The following YWHAZ variants were observed in gnomAD, a reference collection of about 807,000 sequenced individuals.
YWHAZ encodes tyrosine 3-monooxygenase/tryptophan 5-monooxygenase activation protein zeta, also known as 14-3-3 protein zeta/delta.
For missense variants in YWHAZ, 79 were observed against 284.8 expected (o/e 0.28, Z 5.20); for synonymous variants, 87 against 103.6 (o/e 0.84, Z 0.97).
chr8:100,950,422 G>C, intron 1 of YWHAZ: 3 of 985,416 alleles, frequency 3.0e-6, no homozygotes, highest in African/African-American at 3.5e-5. Flanking sequence ...TGAGACGTCG[G>C]TTACTGTGAA....
At chr8:100,936,637 C>T (rs1814167397) in intron 2 of YWHAZ, among the ~76,000 whole-genome samples, 1 of 152,120 alleles carries the variant, frequency 6.6e-6, no homozygotes, top group African/African-American at 2.4e-5. Flanking sequence ...CCCACCTCTA[C>T]TAAAAACACA....
At chr8:100,931,257 C>T (rs1213024357) in intron 2 of YWHAZ, among the ~76,000 whole-genome samples, 9 of 152,166 alleles carry the variant, frequency 5.9e-5, no homozygotes, top group Non-Finnish European at 1.3e-4. Context: ...TAAGGAACCA[C>T]ATAAATTGAC....
rs1195554628 is a variant in YWHAZ at position 100,922,283 on chromosome 8, T to A, written c.679-1531A>T. 6.6e-6 allele frequency among the ~76,000 whole-genome samples: 1 copy of A among 152,202 alleles called. No individual in the cohort carries two copies. Among genetic ancestry groups the A allele is most frequent in the Non-Finnish European group, 1.5e-5 (1 of 68,034 alleles). ...TGGGATAATTTCTTTTCTTGACAGATAAATGTTCCAATCAACCTATAATGG... is the reference window on the plus strand; with the variant it reads ...TGGGATAATTTCTTTTCTTGACAGAAAAATGTTCCAATCAACCTATAATGG... On this transcript the variant is annotated intron_variant, in intron 5 of 5. Coordinates refer to ENST00000395958, the MANE Select transcript of YWHAZ (RefSeq NM_145690.3). The surrounding 1 kb of genome is among the most constrained non-coding windows in gnomAD (Gnocchi z 4.1).
At chr8:100,938,476 T>C (rs1391277173) in intron 2 of YWHAZ, among the ~76,000 whole-genome samples, 3 of 152,244 alleles carry the variant, frequency 2.0e-5, no homozygotes, top group African/African-American at 7.2e-5. Flanking sequence ...TCCCAGTTTA[T>C]ATTATTCAAT....
Position 100,943,906 on chromosome 8 carries a change from G to A in YWHAZ, c.294+4690C>T, listed in dbSNP as rs866326823. ...GGAGGCTGAGGCAGGAGAATGGCGT[G>A]AGCCCGGAAGGCAGAGCTTGCAGTG... On this transcript the variant is annotated intron_variant, in intron 2 of 5. Coordinates refer to ENST00000395958, the MANE Select transcript of YWHAZ (RefSeq NM_145690.3). 6.7e-5 allele frequency among the ~76,000 whole-genome samples: 10 copies of A among 149,958 alleles called. No individual in the cohort carries two copies. In the Middle Eastern group the frequency reaches 0.011, roughly 158 times the overall value.
chr8:100,922,754 C>G lies in YWHAZ; in HGVS notation c.678+1201G>C, dbSNP rs766827011. 5 of 152,258 alleles carry G rather than the reference C, an allele frequency of 3.3e-5. No individual in the cohort carries two copies. Among genetic ancestry groups the G allele is most frequent in the Non-Finnish European group, 5.9e-5 (4 of 68,060 alleles). The allele number at this position is 152,258 out of a possible 1,614,324, so 9.4% of individuals were successfully genotyped here. A position where few individuals can be genotyped will look rare whatever the true frequency, so the allele number is the denominator to read the frequency against. On this transcript the variant is annotated intron_variant, in intron 5 of 5. Transcript: ENST00000395958. This position sits in a 1 kb window ranked among gnomAD's most constrained non-coding sequence, Gnocchi z 4.1. ...ATAGCAAAATTCAGTTGGAAGCAGA[C>G]AGTAGATCAGGGCCTCTCAAAAAGT...
chr8:100,936,519 A>G (rs1814157314), intron 2 of YWHAZ, among the ~76,000 whole-genome samples: 1 of 152,170 alleles, frequency 6.6e-6, no homozygotes, highest in Non-Finnish European at 1.5e-5. Context: ...TTTAATCATG[A>G]AGAATCACCA....
At chr8:100,920,829 G>C in intron 5 of YWHAZ, 77 bp from the exon 6 acceptor site, 1 of 1,077,202 alleles carries the variant, frequency 9.3e-7, no homozygotes. Flanking sequence ...TAAGTGCCAA[G>C]ATACCTGAAT....
intron 1 of YWHAZ, among the ~76,000 whole-genome samples, chr8:100,949,268 A>G (rs1810528080): frequency 6.6e-6 from 1 of 152,230 alleles, no homozygotes; most frequent in Non-Finnish European, 1.5e-5. Flanking sequence ...TCCAAAATTA[A>G]GCAGCTTTTC....
rs989797100 is a variant in YWHAZ at position 100,917,200 on chromosome 8, G to T, written c.*3493C>A. On this transcript the variant is annotated 3_prime_UTR_variant, in exon 6 of 6. Coordinates refer to ENST00000395958, the MANE Select transcript of YWHAZ (RefSeq NM_145690.3). Reference sequence around the variant, plus strand: ...TATGCATTGAGCCATGACAAGACTGGTGACTCTTTTGCAGGAAAAACATAA... The same window carrying T: ...TATGCATTGAGCCATGACAAGACTGTTGACTCTTTTGCAGGAAAAACATAA... The T allele has an allele frequency of 3.9e-5, 6 of 152,162 alleles. No individual in the cohort carries two copies. The highest frequency in any genetic ancestry group is 1.4e-4 in the African/African-American group (6 of 41,426). The allele number at this position is 152,162 out of a possible 1,614,324, so 9.4% of individuals were successfully genotyped here.
chr8:100,948,476 A>T lies in YWHAZ; in HGVS notation c.294+120T>A. ...TAGTCATGACACCATGAAGACTTTT[A>T]AATTTGGAACACACAATGTTTAGAA... On this transcript the variant is annotated intron_variant, in intron 2 of 5. Transcript: ENST00000395958. The surrounding 1 kb of genome is among the most constrained non-coding windows in gnomAD (Gnocchi z 4.2). 1 of 1,162,592 alleles carries T rather than the reference A, an allele frequency of 8.6e-7. No individual in the cohort carries two copies. The highest frequency in any genetic ancestry group is 1.6e-5 in the South Asian group (1 of 64,324). 72.0% of individuals were successfully genotyped at this position (1,162,592 alleles called of 1,614,324 possible). A position where few individuals can be genotyped will look rare whatever the true frequency, so the allele number is the denominator to read the frequency against.
At chr8:100,939,728 A>G (rs1353765933) in intron 2 of YWHAZ, among the ~76,000 whole-genome samples, 1 of 152,054 alleles carries the variant, frequency 6.6e-6, no homozygotes, top group East Asian at 1.9e-4. Context: ...AAAGATTAAA[A>G]GTGAAATACT....
chr8:100,932,439 GA>G (rs1176597621), intron 2 of YWHAZ, among the ~76,000 whole-genome samples: 2 of 152,044 alleles, frequency 1.3e-5, no homozygotes, highest in East Asian at 3.9e-4. Context: ...CATTTTCTAG[GA>G]AAAAACCCTA....
Position 100,924,448 on chromosome 8 carries a change from T to TA in YWHAZ, c.419-151dup. 2 of 695,868 alleles carry TA rather than the reference T, an allele frequency of 2.9e-6. No homozygotes were observed. The highest frequency in any genetic ancestry group is 4.5e-6 in the Non-Finnish European group (2 of 446,280). 43.1% of individuals were successfully genotyped at this position (695,868 alleles called of 1,614,324 possible). A position where few individuals can be genotyped will look rare whatever the true frequency, so the allele number is the denominator to read the frequency against. On this transcript the variant is annotated intron_variant, in intron 3 of 5. Transcript: ENST00000395958. This position sits in a 1 kb window ranked among gnomAD's most constrained non-coding sequence, Gnocchi z 5.7. ...ATTGAACAAGGTCCTTTTTTTTTTTTAAAGGGAGCTTTCTCCTGGTACACA... is the reference window on the plus strand; with the variant it reads ...ATTGAACAAGGTCCTTTTTTTTTTTTAAAAGGGAGCTTTCTCCTGGTACACA...
At chr8:100,949,313 C>A (rs576030593) in intron 1 of YWHAZ, among the ~76,000 whole-genome samples, 14 of 152,304 alleles carry the variant, frequency 9.2e-5, no homozygotes, top group African/African-American at 3.4e-4. Flanking sequence ...CAGAGAACAT[C>A]TGGATTTCTA....
At chr8:100,929,544 T>C (rs1056603667) in intron 2 of YWHAZ, among the ~76,000 whole-genome samples, 1 of 152,188 alleles carries the variant, frequency 6.6e-6, no homozygotes, top group Admixed American at 6.5e-5. Context: ...CTGCAATTCT[T>C]CTAGCTACTT....
At chr8:100,947,942 A>C in intron 2 of YWHAZ, 1 of 564,178 alleles carries the variant, frequency 1.8e-6, no homozygotes, top group Non-Finnish European at 3.0e-6. Flanking sequence ...ATTAACCAAA[A>C]TGTAGTTTAA....
intron 1 of YWHAZ, among the ~76,000 whole-genome samples, chr8:100,949,583 TTGTTA>T (rs1352239461): frequency 1.3e-5 from 2 of 152,194 alleles, no homozygotes; most frequent in African/African-American, 4.8e-5. Flanking sequence ...ACTCTTTATC[TTGTTA>T]TATGTCCACA....
intron 2 of YWHAZ, among the ~76,000 whole-genome samples, chr8:100,946,993 C>T (rs1357120930): frequency 5.3e-5 from 8 of 151,508 alleles, no homozygotes; most frequent in Admixed American, 2.6e-4. Context: ...GTGGCTCAAG[C>T]CTGTAATCCC....
Sources: allele counts gnomAD v4.1 joint callset (sites outside exome capture counted in the v4.1 genomes callset), GRCh38; gene constraint gnomAD v4.1.1; non-coding constraint Gnocchi (gnomAD v3.1); transcripts MANE v1.5; gene names NCBI Gene and HGNC (gene_info 2026-07-23, HGNC 2026-07-21).